Variants in TLK1 observed in about 807,000 individuals in gnomAD.
TLK1 encodes the protein tousled like kinase 1.
In TLK1, 24 loss-of-function variants were observed where a neutral mutation model predicts 105.3. That is an observed-to-expected ratio of 0.23 (90% CI 0.17 to 0.32). The LOEUF is 0.32. TLK1 is among the 10% of genes least tolerant of loss of function. The pLI is 1.00. For synonymous variants in TLK1, 321 were observed against 310.4 expected, an observed-to-expected ratio of 1.03 and a Z score of -0.36; for missense variants, 558 against 910.5, an observed-to-expected ratio of 0.61 and a Z score of 4.98.
chr2:171,160,611 G>A lies in TLK1; in HGVS notation c.-183C>T, dbSNP rs995044710. 3 of 892,962 alleles carry A rather than the reference G, an allele frequency of 3.4e-6. No homozygotes were observed. Among genetic ancestry groups the A allele is most frequent in the Non-Finnish European group, 4.9e-6 (3 of 612,418 alleles). 55.3% of individuals were successfully genotyped at this position (892,962 alleles called of 1,614,324 possible). On this transcript the variant is annotated 5_prime_UTR_variant, in exon 1 of 21. Coordinates refer to ENST00000431350, the MANE Select transcript of TLK1 (RefSeq NM_012290.5). This position sits in a 1 kb window ranked among gnomAD's most constrained non-coding sequence, Gnocchi z 4.4. ...GAGGGGAGGTGGGGAGGAAAGAGGT[G>A]AGGGAAGGAGAGGGGACAGGGAGGA...
intron 3 of TLK1, among the ~76,000 whole-genome samples, chr2:171,063,103 T>G (rs1687830312): frequency 6.6e-6 from 1 of 152,176 alleles, no homozygotes; most frequent in Admixed American, 6.5e-5. Context: ...CTCAGCACTT[T>G]CGGAGGCCGA....
chr2:171,102,055 G>T (rs918477620), intron 2 of TLK1, among the ~76,000 whole-genome samples: 1 of 152,028 alleles, frequency 6.6e-6, no homozygotes, highest in East Asian at 1.9e-4. Flanking sequence ...TATGTTCTTT[G>T]GTTCCTCCCT....
intron 1 of TLK1, among the ~76,000 whole-genome samples, chr2:171,227,363 TGAATA>T (rs1693916850): frequency 6.6e-6 from 1 of 152,126 alleles, no homozygotes; most frequent in South Asian, 2.1e-4. Context: ...CTCTTTTCAG[TGAATA>T]GAATGAGAGC....
At chr2:171,230,165 C>T (rs12476502) in intron 1 of TLK1, among the ~76,000 whole-genome samples, 4 of 152,286 alleles carry the variant, frequency 2.6e-5, no homozygotes, top group African/African-American at 4.8e-5. Flanking sequence ...CACTTCATTG[C>T]TTTGCACAAA....
chr2:171,230,195 G>C (rs1478557050), intron 1 of TLK1, among the ~76,000 whole-genome samples: 1 of 152,084 alleles, frequency 6.6e-6, no homozygotes, highest in African/African-American at 2.4e-5. Flanking sequence ...AATAATAAAA[G>C]ACTTTGCAAT....
chr2:171,120,193 G>A (rs1396283245), intron 1 of TLK1, among the ~76,000 whole-genome samples: 1 of 139,294 alleles, frequency 7.2e-6, no homozygotes, highest in Admixed American at 7.7e-5. Context: ...AGGCTGCAGT[G>A]AATCGAGGTC....
chr2:171,029,440 G>A (rs1685934896), intron 11 of TLK1, among the ~76,000 whole-genome samples: 1 of 152,042 alleles, frequency 6.6e-6, no homozygotes, highest in African/African-American at 2.4e-5. Flanking sequence ...GAACAGCCTG[G>A]GCAACATAGC....
intron 1 of TLK1, among the ~76,000 whole-genome samples, chr2:171,136,194 T>C (rs1311739071): frequency 6.6e-6 from 1 of 152,216 alleles, no homozygotes; most frequent in East Asian, 1.9e-4. Flanking sequence ...GAAGACGTTA[T>C]GTTGAGGGAA....
chr2:171,075,195 A>T (rs1257770073), intron 3 of TLK1, among the ~76,000 whole-genome samples: 1 of 152,160 alleles, frequency 6.6e-6, no homozygotes, highest in Non-Finnish European at 1.5e-5. Flanking sequence ...AAGCATTAAG[A>T]GGGCAAAAAA....
chr2:171,127,119 A>C (rs1273375244), intron 1 of TLK1, among the ~76,000 whole-genome samples: 1 of 151,920 alleles, frequency 6.6e-6, no homozygotes, highest in African/African-American at 2.4e-5. Context: ...CTACTAAAAA[A>C]TACAAAAATT....
intron 2 of TLK1, among the ~76,000 whole-genome samples, chr2:171,104,487 G>C (rs1399870036): frequency 6.6e-6 from 1 of 152,072 alleles, no homozygotes; most frequent in African/African-American, 2.4e-5. Flanking sequence ...TACCAAAAGT[G>C]ATCTACAGAT....
intron 20 of TLK1, chr2:170,994,676 G>A (rs774357692): frequency 4.1e-5 from 21 of 517,378 alleles, no homozygotes; most frequent in South Asian, 1.8e-4. Flanking sequence ...TCCCCCTCAT[G>A]CCCAGTTCCA....
chr2:171,071,233 C>T (rs1386080579), intron 3 of TLK1, among the ~76,000 whole-genome samples: 2 of 151,590 alleles, frequency 1.3e-5, no homozygotes, highest in Non-Finnish European at 2.9e-5. Flanking sequence ...TATCTCCTCG[C>T]TTTGTTGATT....
chr2:171,133,701 T>C (rs1691194366), intron 1 of TLK1, among the ~76,000 whole-genome samples: 1 of 151,864 alleles, frequency 6.6e-6, no homozygotes, highest in Non-Finnish European at 1.5e-5. Flanking sequence ...CAATGATGAA[T>C]ACAGGTTGAG....
chr2:171,209,456 AAT>A (rs1435478768), intron 1 of TLK1, among the ~76,000 whole-genome samples: 1 of 152,194 alleles, frequency 6.6e-6, no homozygotes, highest in Non-Finnish European at 1.5e-5. Flanking sequence ...GAAATGTTCA[AAT>A]ATATATTGGG....
chr2:171,190,344 C>A (rs1693121085), intron 1 of TLK1, among the ~76,000 whole-genome samples: 1 of 152,170 alleles, frequency 6.6e-6, no homozygotes, highest in South Asian at 2.1e-4. Context: ...TGTGAGTGTA[C>A]AGGCCTCAAC....
Position 170,991,051 on chromosome 2 carries a change from G to GT in TLK1, c.*2728dup, listed in dbSNP as rs1390861256. 6.6e-6 allele frequency: 1 copy of GT among 151,154 alleles called. No homozygotes were observed. Among genetic ancestry groups the GT allele is most frequent in the African/African-American group, 2.4e-5 (1 of 41,150 alleles). 9.4% of individuals were successfully genotyped at this position (151,154 alleles called of 1,614,324 possible). A position where few individuals can be genotyped will look rare whatever the true frequency, so the allele number is the denominator to read the frequency against. On this transcript the variant is annotated 3_prime_UTR_variant, in exon 21 of 21. Coordinates refer to ENST00000431350, the MANE Select transcript of TLK1 (RefSeq NM_012290.5). ...GTCTTTATTTTTGAAAAACCACCAA[G>GT]TATCTCCAACTCCCAACTTACAAAT...
At chr2:171,217,583 G>T (rs1693738452) in intron 1 of TLK1, among the ~76,000 whole-genome samples, 1 of 152,188 alleles carries the variant, frequency 6.6e-6, no homozygotes, top group South Asian at 2.1e-4. Context: ...TGATCATGAG[G>T]GCTTGGATAA....
At chr2:171,060,558 T>C (rs1465737610) in intron 4 of TLK1, among the ~76,000 whole-genome samples, 1 of 152,228 alleles carries the variant, frequency 6.6e-6, no homozygotes, top group Non-Finnish European at 1.5e-5. Context: ...TTATATTTAA[T>C]TTTGAGTGCT....
Sources: gnomAD v4.1 joint callset for allele counts (sites outside exome capture counted in the v4.1 genomes callset) on GRCh38, gnomAD v4.1.1 for gene constraint, Gnocchi (gnomAD v3.1) non-coding constraint, MANE v1.5 for transcripts, NCBI Gene and HGNC (gene_info 2026-07-23, HGNC 2026-07-21) for gene names.